The following ASB4 variants were observed in gnomAD, a reference collection of about 807,000 sequenced individuals.
ASB4 encodes the protein ankyrin repeat and SOCS box protein 4.
In ASB4, 35 loss-of-function variants were observed where a neutral mutation model predicts 38.6. The ratio of observed to expected loss-of-function variants is 0.91; its 90% CI spans 0.69 to 1.20. ASB4 has a LOEUF of 1.20. Among genes scored for constraint, ASB4 ranks in the 50% most tolerant of loss-of-function variants. The probability of loss-of-function intolerance (pLI) is 0.00; values close to 1 mark genes in which losing one functional copy is unlikely to be tolerated. For missense variants in ASB4, 557 were observed against 527.2 expected (o/e 1.06, Z -0.55); for synonymous variants, 195 against 201.3 (o/e 0.97, Z 0.26).
intron 1 of ASB4, among the ~76,000 whole-genome samples, chr7:95,493,088 T>C (rs1790195773): frequency 1.3e-5 from 2 of 152,328 alleles, no homozygotes; most frequent in South Asian, 2.1e-4. Flanking sequence ...AGTTCTGCCA[T>C]GGAAAGTCCA....
intron 1 of ASB4, among the ~76,000 whole-genome samples, chr7:95,491,037 C>T (rs1208054016): frequency 1.3e-5 from 2 of 152,190 alleles, no homozygotes; most frequent in Non-Finnish European, 2.9e-5. Context: ...ACACTTTATA[C>T]TACTTAACCT....
chr7:95,491,069 T>C (rs1022443073), intron 1 of ASB4, among the ~76,000 whole-genome samples: 2 of 152,210 alleles, frequency 1.3e-5, no homozygotes, highest in African/African-American at 4.8e-5. Flanking sequence ...ATTATCTTCA[T>C]TTGTAAAATG....
At chr7:95,485,841 A>T, upstream of ASB4, 1 of 727,840 alleles carries the variant, frequency 1.4e-6, no homozygotes, top group Non-Finnish European at 2.2e-6. Flanking sequence ...TGATCCCTAT[A>T]TAAATAGAAC....
rs1790089247 is a variant in ASB4, at chr7:95,486,225, T to A, written c.187+67T>A. On this transcript the variant is annotated intron_variant, in intron 1 of 4. Transcript: ENST00000325885. ...ATTTAAAAAAATGCACAGTGTCAGTTATCCACTCTAAACAGTAGTTTTTAT... is the reference window on the plus strand; with the variant it reads ...ATTTAAAAAAATGCACAGTGTCAGTAATCCACTCTAAACAGTAGTTTTTAT... 4.0e-6 allele frequency: 5 copies of A among 1,259,074 alleles called. No individual in the cohort carries two copies. The East Asian group carries it at 1.2e-4, about 29-fold the overall frequency. The allele number at this position is 1,259,074 out of a possible 1,614,324, so 78.0% of individuals were successfully genotyped here.
chr7:95,489,590 G>A (rs1790141248), intron 1 of ASB4, among the ~76,000 whole-genome samples: 1 of 152,160 alleles, frequency 6.6e-6, no homozygotes, highest in African/African-American at 2.4e-5. Context: ...AAAATGTGCT[G>A]GTTGGCATTT....
downstream of ASB4, chr7:95,543,533 C>A (rs1790996935): frequency 6.6e-6 from 1 of 152,228 alleles, no homozygotes; most frequent in Non-Finnish European, 1.5e-5. Flanking sequence ...CAGATAGAAG[C>A]CACTATGGAC....
chr7:95,537,505 G>A, intron 4 of ASB4, 66 bp from the exon 5 acceptor site: 2 of 1,403,050 alleles, frequency 1.4e-6, no homozygotes. Flanking sequence ...TTGCAGCATT[G>A]CTGATTTTTA....
In ASB4 at chr7:95,537,591, C is replaced by T. The variant is rs1790912812; in HGVS notation, c.1113C>T (p.His371=). ...DDLEKYWDFY[H]SLFTVCCNSP... is the part of the protein sequence containing the mutation. ...TTCAGAAATACTGGGATTTTTACCACTCTCTCTTTACTGTGTGCTGTAACT... is the reference window on the plus strand; with the variant it reads ...TTCAGAAATACTGGGATTTTTACCATTCTCTCTTTACTGTGTGCTGTAACT... The change falls in exon 5 of 5, where the codon CAC becomes CAT. Residue 371 remains histidine, a synonymous_variant. Transcript: ENST00000325885. 1.9e-6 allele frequency: 3 copies of T among 1,597,572 alleles called. No individual in the cohort carries two copies. Among genetic ancestry groups the T allele is most frequent in the East Asian group, 4.5e-5 (2 of 44,610 alleles).
intron 2 of ASB4, among the ~76,000 whole-genome samples, chr7:95,527,193 A>ATG (rs566378888): frequency 9.2e-5 from 14 of 151,486 alleles, no homozygotes; most frequent in African/African-American, 3.4e-4. Flanking sequence ...GTGCATGTGT[A>ATG]TGTGTGTGTG....
intron 2 of ASB4, among the ~76,000 whole-genome samples, chr7:95,526,385 G>C (rs4729193): frequency 1 from 151,723 of 152,314 alleles, 75,568 homozygotes; most frequent in Middle Eastern, 1. Context: ...AAACTTCGCT[G>C]CAGTTGCACC....
intron 1 of ASB4, among the ~76,000 whole-genome samples, chr7:95,488,391 A>C (rs11977715): frequency 6.6e-6 from 1 of 152,078 alleles, no homozygotes; most frequent in Non-Finnish European, 1.5e-5. Context: ...CATGCTTCCA[A>C]CCTTATCATC....
chr7:95,547,195 T>A, the ASB4 span, among the ~76,000 whole-genome samples: 1 of 152,236 alleles, frequency 6.6e-6, no homozygotes, highest in Non-Finnish European at 1.5e-5. Context: ...ATTGTATGAA[T>A]GATTACAAGT....
intron 4 of ASB4, among the ~76,000 whole-genome samples, chr7:95,537,103 T>C (rs1790898991): frequency 6.6e-6 from 1 of 152,172 alleles, no homozygotes; most frequent in African/African-American, 2.4e-5. Context: ...CTGTAACACA[T>C]GGAGAGGTAT....
chr7:95,485,038 A>ATATATGTG (rs1790069415), upstream of ASB4, among the ~76,000 whole-genome samples: 1 of 148,460 alleles, frequency 6.7e-6, no homozygotes. Flanking sequence ...GTATATATGT[A>ATATATGTG]TATATATGTG....
At chr7:95,526,977 T>C (rs764288222) in intron 2 of ASB4, among the ~76,000 whole-genome samples, 2 of 152,302 alleles carry the variant, frequency 1.3e-5, no homozygotes, top group Middle Eastern at 3.4e-3. Context: ...GTTAAATAAA[T>C]GGGTTGGATT....
chr7:95,530,065 T>C (rs1790797298), intron 3 of ASB4, among the ~76,000 whole-genome samples: 2 of 129,824 alleles, frequency 1.5e-5, no homozygotes, highest in Admixed American at 1.7e-4. Context: ...ACCAAATAAA[T>C]ATACTCTGAT....
intron 2 of ASB4, among the ~76,000 whole-genome samples, chr7:95,504,413 C>T (rs972005158): frequency 1.3e-5 from 2 of 152,118 alleles, no homozygotes; most frequent in Non-Finnish European, 2.9e-5. Flanking sequence ...TGTCACTGGC[C>T]TTCATTTTAA....
upstream of ASB4, among the ~76,000 whole-genome samples, chr7:95,481,962 C>T (rs1790024524): frequency 6.6e-6 from 1 of 152,166 alleles, no homozygotes; most frequent in South Asian, 2.1e-4. Flanking sequence ...AACATGACCA[C>T]TGTGTAATTT....
At chr7:95,473,183 G>A in the ASB4 span, among the ~76,000 whole-genome samples, 9 of 152,154 alleles carry the variant, frequency 5.9e-5, no homozygotes, top group South Asian at 2.1e-4. Flanking sequence ...ACCTCTATCC[G>A]TCAGAGGAGT....
Sources: allele counts gnomAD v4.1 joint callset (sites outside exome capture counted in the v4.1 genomes callset), GRCh38; gene constraint gnomAD v4.1.1; transcripts MANE v1.5; gene names NCBI Gene and HGNC (gene_info 2026-07-23, HGNC 2026-07-21).